The following EYA1 variants were observed in gnomAD, a reference collection of about 807,000 sequenced individuals.
EYA1 encodes the protein protein phosphatase EYA1.
A neutral mutation model predicts 82.0 loss-of-function variants in EYA1; 16 were observed. The observed-to-expected ratio is 0.20, with a 90% CI of 0.13 to 0.30. The LOEUF is 0.30. Ranked by LOEUF, EYA1 falls within the 10% of genes least tolerant of loss-of-function variation. EYA1 has a pLI of 1.00. For synonymous variants in EYA1, 261 were observed against 264.4 expected (o/e 0.99, Z 0.12); for missense variants, 633 against 730.7 (o/e 0.87, Z 1.54).
chr8:71,277,813 C>T (rs998525085), intron 9 of EYA1, among the ~76,000 whole-genome samples: 1 of 151,896 alleles, frequency 6.6e-6, no homozygotes, highest in Admixed American at 6.6e-5. Flanking sequence ...TTTATTAAAG[C>T]TATAAAGGTT....
chr8:71,359,158 C>G (rs1827159859), intron 1 of EYA1, among the ~76,000 whole-genome samples: 1 of 152,130 alleles, frequency 6.6e-6, no homozygotes, highest in Non-Finnish European at 1.5e-5. Flanking sequence ...AGCAGAACTT[C>G]TTAGAATTCA....
intron 2 of EYA1, among the ~76,000 whole-genome samples, chr8:71,433,175 T>C (rs1299779998): frequency 6.6e-6 from 1 of 152,220 alleles, no homozygotes; most frequent in African/African-American, 2.4e-5. Context: ...GAAAGGTATA[T>C]ATTTACAATT....
In EYA1 at chr8:71,464,702, CTTA is replaced by C. The variant is rs1293529334; in HGVS notation, c.33+71039_33+71041del. Among the ~76,000 whole-genome samples the C allele has an allele frequency of 3.9e-5, 6 of 152,272 alleles. No homozygotes were observed. In the East Asian group the frequency reaches 5.8e-4, roughly 15 times the overall value. ...ATAATTTGAGATTTCTAATCCTCAA[CTTA>C]TTATAAAATGAAGATAGCATAAAAT... On this transcript the variant is annotated intron_variant, in intron 2 of 18. Transcript: ENST00000643681.
intron 7 of EYA1, among the ~76,000 whole-genome samples, chr8:71,300,490 G>T (rs1193703799): frequency 5.3e-5 from 8 of 152,090 alleles, no homozygotes; most frequent in African/African-American, 1.7e-4. Context: ...ATCAGGGATT[G>T]GGAAATATAT....
chr8:71,342,829 T>A (rs1825296126), intron 3 of EYA1, among the ~76,000 whole-genome samples: 1 of 152,202 alleles, frequency 6.6e-6, no homozygotes, highest in Admixed American at 6.5e-5. Flanking sequence ...TTTGGTATAT[T>A]ACCTTTTAGT....
At chr8:71,471,060 A>G in intron 2 of EYA1, 1 of 371,730 alleles carries the variant, frequency 2.7e-6, no homozygotes, top group Middle Eastern at 6.8e-4. Context: ...TTCTTAAACA[A>G]TGTGTGGTAC....
chr8:71,483,011 C>T (rs1810290152), intron 2 of EYA1, among the ~76,000 whole-genome samples: 1 of 152,134 alleles, frequency 6.6e-6, no homozygotes, highest in Admixed American at 6.6e-5. Context: ...GAATTGGTCA[C>T]CTGATTCTCT....
In EYA1 at chr8:71,244,470, C is replaced by G. The variant is rs113481474; in HGVS notation, c.1140+133G>C. 2.8e-5 allele frequency: 17 copies of G among 605,388 alleles called. 1 individual carries two copies. Among genetic ancestry groups the G allele is most frequent in the African/African-American group, 2.0e-4 (11 of 53,930 alleles). 37.5% of individuals were successfully genotyped at this position (605,388 alleles called of 1,614,324 possible). On this transcript the variant is annotated intron_variant, in intron 12 of 17. Coordinates refer to ENST00000340726, the MANE Select transcript of EYA1 (RefSeq NM_000503.6). Reference sequence around the variant, plus strand: ...ATAGAAATCCCATAAAGGCAAAACACATTGCCATATTACCAACAAACCTCT... The same window carrying G: ...ATAGAAATCCCATAAAGGCAAAACAGATTGCCATATTACCAACAAACCTCT...
intron 2 of EYA1, among the ~76,000 whole-genome samples, chr8:71,372,249 A>G (rs964507403): frequency 6.6e-6 from 1 of 152,188 alleles, no homozygotes. Flanking sequence ...AGACTTCTCA[A>G]TTAGAACATG....
At chr8:71,425,104 C>CAAAAAAAAAAAAAAAAAA (rs71264555) in intron 2 of EYA1, among the ~76,000 whole-genome samples, 3 of 75,292 alleles carry the variant, frequency 4.0e-5, no homozygotes, top group Non-Finnish European at 6.9e-5. Flanking sequence ...ACTAAAAATA[C>CAAAAAAAAAAAAAAAAAA]AAAAAAAAAA....
chr8:71,382,896 C>A (rs1041872444), intron 2 of EYA1, among the ~76,000 whole-genome samples: 1 of 151,958 alleles, frequency 6.6e-6, no homozygotes, highest in Non-Finnish European at 1.5e-5. Flanking sequence ...AGAAAATTGG[C>A]ATCAGTCCAC....
At chr8:71,290,216 C>T (rs191902635) in intron 9 of EYA1, among the ~76,000 whole-genome samples, 103 of 152,302 alleles carry the variant, frequency 6.8e-4, no homozygotes, top group African/African-American at 2.0e-3. Flanking sequence ...ACTTACCAAA[C>T]GATGAAATCG....
intron 2 of EYA1, among the ~76,000 whole-genome samples, chr8:71,460,418 G>T (rs1159950813): frequency 6.6e-6 from 1 of 152,194 alleles, no homozygotes; most frequent in Non-Finnish European, 1.5e-5. Context: ...GGAGAAGAGA[G>T]CACTTATCTT....
intron 2 of EYA1, among the ~76,000 whole-genome samples, chr8:71,488,595 G>A (rs1810748882): frequency 6.6e-6 from 1 of 152,158 alleles, no homozygotes; most frequent in South Asian, 2.1e-4. Context: ...GGATGAGGGA[G>A]CCAATGGCTG....
chr8:71,391,354 A>T (rs1829271738), intron 2 of EYA1, among the ~76,000 whole-genome samples: 1 of 152,108 alleles, frequency 6.6e-6, no homozygotes, highest in Non-Finnish European at 1.5e-5. Context: ...TCATCTCAAG[A>T]GTGTTTATCT....
At chr8:71,331,385 T>A (rs751824237) in intron 4 of EYA1, among the ~76,000 whole-genome samples, 2 of 151,472 alleles carry the variant, frequency 1.3e-5, no homozygotes. Context: ...GTGATAGTGA[T>A]GCAATACTAT....
Position 71,456,013 on chromosome 8 carries a change from A to G in EYA1, c.33+79731T>C, listed in dbSNP as rs946993207. Among the ~76,000 whole-genome samples, 6 of 152,306 alleles carry G rather than the reference A, an allele frequency of 3.9e-5. No individual in the cohort carries two copies. The East Asian group carries it at 9.7e-4, about 25-fold the overall frequency. On this transcript the variant is annotated intron_variant, in intron 2 of 18. Transcript: ENST00000643681. ...GATTGTATATGTAGAAAACCCCATT[A>G]TCTCAGCCCAAAATCTCTTTAAGCT...
chr8:71,396,512 A>G (rs527640464), intron 2 of EYA1, among the ~76,000 whole-genome samples: 10 of 152,324 alleles, frequency 6.6e-5, no homozygotes, highest in South Asian at 2.1e-4. Context: ...CATTGGTTTC[A>G]AAGAACATCT....
intron 2 of EYA1, among the ~76,000 whole-genome samples, chr8:71,513,282 A>G (rs1238604106): frequency 6.6e-6 from 1 of 152,138 alleles, no homozygotes; most frequent in Non-Finnish European, 1.5e-5. Context: ...TCATAATAGA[A>G]TATTATAAAT....
Sources: allele counts gnomAD v4.1 joint callset (sites outside exome capture counted in the v4.1 genomes callset), GRCh38; gene constraint gnomAD v4.1.1; transcripts MANE v1.5; gene names NCBI Gene and HGNC (gene_info 2026-07-23, HGNC 2026-07-21).